Variants in NDST4 observed in about 807,000 individuals in gnomAD.
NDST4 encodes the protein N-deacetylase and N-sulfotransferase 4, also known as N-heparan sulfate sulfotransferase 4.
NDST4 carries 63 observed loss-of-function variants against 100.8 expected under a neutral mutation model. The ratio of observed to expected loss-of-function variants is 0.62; its 90% CI spans 0.51 to 0.77. The LOEUF (loss-of-function observed/expected upper bound fraction) is 0.77, where lower values mean the gene tolerates loss of function less well. Among genes scored for constraint, NDST4 ranks in the 30% least tolerant of loss-of-function variants. The pLI is 0.00. For missense variants in NDST4, 943 were observed against 1,018.4 expected (o/e 0.93, Z 1.01); for synonymous variants, 377 against 361.8 (o/e 1.04, Z -0.48).
chr4:115,085,446 A>G (rs547483141), intron 1 of NDST4, among the ~76,000 whole-genome samples: 2 of 152,218 alleles, frequency 1.3e-5, no homozygotes, highest in African/African-American at 4.8e-5. Context: ...GGGCCATAAT[A>G]ATATGGTTTG....
At position 115,076,872 on chromosome 4, in the gene NDST4, G is replaced by T. The variant is rs148358700; in HGVS notation, c.165C>A (p.Ile55=). 9.3e-6 allele frequency: 15 copies of T among 1,613,796 alleles called. No individual in the cohort carries two copies. The highest frequency in any genetic ancestry group is 6.7e-5 in the African/African-American group (5 of 75,032). ...CCATTGACCTATATGGTAGAATTTT[G>T]ATGTCAGTGCATTCTGCTTCTGCAG... is the stretch of plus-strand genomic sequence containing the variant. ...ETTAEAECTD[I]KILPYRSMEL... Residue 55 remains isoleucine, a synonymous_variant, in exon 2 of 14, where the codon ATC becomes ATA. Transcript: ENST00000264363.
chr4:114,843,295 TC>T (rs1156796034), intron 10 of NDST4, among the ~76,000 whole-genome samples: 1 of 152,206 alleles, frequency 6.6e-6, no homozygotes, highest in African/African-American at 2.4e-5. Context: ...TTGCCCCTGG[TC>T]CCACCATCTA....
At chr4:114,886,034 T>C (rs575294167) in intron 6 of NDST4, among the ~76,000 whole-genome samples, 4 of 152,162 alleles carry the variant, frequency 2.6e-5, no homozygotes, top group African/African-American at 9.6e-5. Flanking sequence ...AGTGGTGGTG[T>C]CAATACTGAA....
At chr4:114,975,345 T>C (rs1390241498) in intron 3 of NDST4, among the ~76,000 whole-genome samples, 1 of 152,184 alleles carries the variant, frequency 6.6e-6, no homozygotes, top group Non-Finnish European at 1.5e-5. Flanking sequence ...ATATTGCTTA[T>C]TCTCTAAAGT....
At chr4:114,944,254 A>G (rs921730268) in intron 4 of NDST4, among the ~76,000 whole-genome samples, 1 of 152,170 alleles carries the variant, frequency 6.6e-6, no homozygotes, top group Non-Finnish European at 1.5e-5. Context: ...GAGAAGAAAG[A>G]GTGAAGTGGA....
intron 6 of NDST4, 77 bp downstream of exon 6, chr4:114,935,129 T>A: frequency 8.8e-7 from 1 of 1,137,266 alleles, no homozygotes; most frequent in Non-Finnish European, 1.2e-6. Flanking sequence ...TAAATATGAT[T>A]TAGTTTAAAA....
chr4:114,867,648 A>AT (rs1312615413), intron 7 of NDST4, among the ~76,000 whole-genome samples: 2 of 108,618 alleles, frequency 1.8e-5, no homozygotes, highest in African/African-American at 9.0e-5. Context: ...GAGAATTATA[A>AT]AAAAAAAAAA....
intron 2 of NDST4, among the ~76,000 whole-genome samples, chr4:114,982,506 A>G (rs1726799551): frequency 6.6e-6 from 1 of 152,206 alleles, no homozygotes; most frequent in Non-Finnish European, 1.5e-5. Flanking sequence ...AATTTCTAAG[A>G]AGCAAAGTGT....
At chr4:115,081,650 T>TA (rs1166540438) in intron 1 of NDST4, among the ~76,000 whole-genome samples, 1 of 152,182 alleles carries the variant, frequency 6.6e-6, no homozygotes, top group African/African-American at 2.4e-5. Flanking sequence ...ACGAAGACAT[T>TA]AAAATGCTGC....
intron 1 of NDST4, among the ~76,000 whole-genome samples, chr4:115,094,255 T>C (rs1359150432): frequency 6.6e-6 from 1 of 152,132 alleles, no homozygotes; most frequent in Non-Finnish European, 1.5e-5. Flanking sequence ...CAAAATAGAA[T>C]TTGAATAGTC....
At chr4:114,944,738 G>A (rs1011719084) in intron 4 of NDST4, among the ~76,000 whole-genome samples, 2 of 150,266 alleles carry the variant, frequency 1.3e-5, no homozygotes, top group African/African-American at 4.9e-5. Context: ...AGCATGCATT[G>A]CAGTGCTCCT....
chr4:114,833,809 G>C (rs1489813906), intron 11 of NDST4, 94 bp from the exon 12 acceptor site: 1 of 734,610 alleles, frequency 1.4e-6, no homozygotes, highest in Non-Finnish European at 2.3e-6. Flanking sequence ...TCATAAATTA[G>C]ATCAGTGTGA....
At chr4:115,078,712 G>A (rs1729240927) in intron 1 of NDST4, among the ~76,000 whole-genome samples, 1 of 151,956 alleles carries the variant, frequency 6.6e-6, no homozygotes, top group South Asian at 2.1e-4. Flanking sequence ...ATGGTGGTGG[G>A]TGCCTGTAAT....
At position 115,076,129 on chromosome 4, in the gene NDST4, T is replaced by C; in HGVS notation, c.908A>G (p.Tyr303Cys). ...TATATCATCAATGTCCACAAGGATGTACCTGTCCAAGGACAATGTCAGCCT... is the reference window on the plus strand; with the variant it reads ...TATATCATCAATGTCCACAAGGATGCACCTGTCCAAGGACAATGTCAGCCT... ...GKRLTLSLDR[Y>C]ILVDIDDIFV... is the part of the protein sequence containing the mutation. Residue 303 changes from tyrosine to cysteine, a missense_variant, in exon 2 of 14, where the codon TAC becomes TGC. Physicochemically the swap from Tyr to Cys is radical, Grantham distance 194. Transcript: ENST00000264363. 1 of 1,613,958 alleles carries C rather than the reference T, an allele frequency of 6.2e-7. No individual in the cohort carries two copies. The highest frequency in any genetic ancestry group is 8.5e-7 in the Non-Finnish European group (1 of 1,179,928).
intron 2 of NDST4, among the ~76,000 whole-genome samples, chr4:115,028,566 C>CA (rs557583232): frequency 0.021 from 2,705 of 130,448 alleles, 62 homozygotes; most frequent in East Asian, 0.14. Context: ...AAGAGAATAC[C>CA]AAAAAAAAAA....
intron 6 of NDST4, among the ~76,000 whole-genome samples, chr4:114,872,482 T>C (rs1266762754): frequency 2.0e-5 from 3 of 151,958 alleles, no homozygotes; most frequent in African/African-American, 7.2e-5. Context: ...GAAAAGATAG[T>C]CTCTATTATG....
chr4:115,022,049 C>T (rs1338573635), intron 2 of NDST4, among the ~76,000 whole-genome samples: 1 of 147,512 alleles, frequency 6.8e-6, no homozygotes, highest in African/African-American at 2.7e-5. Flanking sequence ...TTCCATATCT[C>T]TATGTTCCAT....
chr4:114,988,393 G>T (rs184891467), intron 2 of NDST4, among the ~76,000 whole-genome samples: 387 of 112,090 alleles, frequency 3.5e-3, no homozygotes, highest in Non-Finnish European at 4.1e-3. Flanking sequence ...ACAGAGTCTC[G>T]ATCTGTAGCC....
At chr4:114,845,113 C>T (rs150970723) in intron 10 of NDST4, among the ~76,000 whole-genome samples, 49 of 152,034 alleles carry the variant, frequency 3.2e-4, no homozygotes, top group African/African-American at 1.0e-3. Context: ...GTGGATTGCT[C>T]GAGCCCGGGA....
Sources: allele counts gnomAD v4.1 joint callset (sites outside exome capture counted in the v4.1 genomes callset), GRCh38; gene constraint gnomAD v4.1.1; transcripts MANE v1.5; gene names NCBI Gene and HGNC (gene_info 2026-07-23, HGNC 2026-07-21).